BOD1L1: variants seen among roughly 807,000 people sequenced by gnomAD.
BOD1L1 encodes the protein biorientation of chromosomes in cell division protein 1-like 1.
BOD1L1 carries 86 observed loss-of-function variants against 240.7 expected under a neutral mutation model. The ratio of observed to expected loss-of-function variants is 0.36; its 90% CI spans 0.30 to 0.43. The LOEUF (loss-of-function observed/expected upper bound fraction) is 0.43, where lower values mean the gene tolerates loss of function less well. Ranked by LOEUF, BOD1L1 falls within the 20% of genes least tolerant of loss-of-function variation. BOD1L1 has a pLI of 1.00. For synonymous variants in BOD1L1, 1,268 were observed against 1,272.3 expected, an observed-to-expected ratio of 1.00 and a Z score of 0.07; for missense variants, 3,554 against 3,643.5, an observed-to-expected ratio of 0.98 and a Z score of 0.63.
At chr4:13,585,803 T>C (rs1172875775) in intron 17 of BOD1L1, among the ~76,000 whole-genome samples, 2 of 152,214 alleles carry the variant, frequency 1.3e-5, no homozygotes, top group Non-Finnish European at 2.9e-5. Flanking sequence ...TGAGATCTAA[T>C]GCTTTTATAA....
intron 2 of BOD1L1, 44 bp from the exon 3 acceptor site, chr4:13,615,546 T>C (rs1341262113): frequency 2.0e-6 from 3 of 1,501,334 alleles, no homozygotes; most frequent in East Asian, 2.3e-5. Flanking sequence ...AAATAATATA[T>C]TATTTGCATT....
Position 13,569,299 on chromosome 4 carries a change from T to C in BOD1L1, c.*712A>G, listed in dbSNP as rs1481155744. The C allele has an allele frequency of 6.6e-6, 1 of 152,174 alleles. No individual in the cohort carries two copies. Among genetic ancestry groups the C allele is most frequent in the East Asian group, 1.9e-4 (1 of 5,192 alleles). The allele number at this position is 152,174 out of a possible 1,614,324, so 9.4% of individuals were successfully genotyped here. On this transcript the variant is annotated 3_prime_UTR_variant, in exon 26 of 26. Transcript: ENST00000040738. ...TGTTTTGTGTCAACGTGGCTGGTAGTAAAGTCACAGATGCAAGTATAATCT... is the reference window on the plus strand; with the variant it reads ...TGTTTTGTGTCAACGTGGCTGGTAGCAAAGTCACAGATGCAAGTATAATCT...
Position 13,600,085 on chromosome 4 carries a change from A to G in BOD1L1, c.6815T>C (p.Val2272Ala), listed in dbSNP as rs745989323. 9.9e-6 allele frequency: 16 copies of G among 1,613,430 alleles called. No homozygotes were observed. Among genetic ancestry groups the G allele is most frequent in the Admixed American group, 1.7e-5 (1 of 59,942 alleles). ...EDCEGPVSSA[V>A]PQEEGDPSVT... is the part of the protein sequence containing the mutation. ...TGAGGGGTCGCCTTCCTCTTGAGGG[A>G]CAGCACTGGACACTGGGCCCTCACA... is the stretch of plus-strand genomic sequence containing the variant. The change falls in exon 10 of 26, where the codon GTC (valine) becomes GCC (alanine). Residue 2272 changes from valine (V) to alanine (A), a missense_variant. Val to Ala is a moderately conservative substitution (Grantham distance 64). Transcript: ENST00000040738.
At position 13,617,029 on chromosome 4, in the gene BOD1L1, A is replaced by G. The variant is rs553457700; in HGVS notation, c.369-1527T>C. 8.7e-4 allele frequency among the ~76,000 whole-genome samples: 133 copies of G among 152,218 alleles called. 7 individuals are homozygous for G. The South Asian group carries it at 0.027, about 31-fold the overall frequency. On this transcript the variant is annotated intron_variant, in intron 2 of 25. Coordinates refer to ENST00000040738, the MANE Select transcript of BOD1L1 (RefSeq NM_148894.3). The stretch of plus-strand genomic sequence containing the variant: ...TGGGAGGCCAAGGCGGGCAGATCAC[A>G]AGGTCAGGAGATCGAGACCATCCTG...
chr4:13,599,264 C>T lies in BOD1L1; in HGVS notation c.7636G>A (p.Val2546Met), dbSNP rs145423365. The change falls in exon 10 of 26, where the codon GTG becomes ATG. Residue 2546 changes from valine (V) to methionine (M), a missense_variant. Physicochemically the swap from Val to Met is conservative, Grantham distance 21 (BLOSUM62 1). This residue lies in a region of BOD1L1 where 3,393 missense variants were observed against 3,427.1 expected (regional missense o/e 0.99). Transcript: ENST00000040738. ...ADDMPPVQGT[V>M]AEHSFLPAEQ... ...GCAGGAAGAAAGGAATGCTCAGCCA[C>T]GGTCCCTTGAACAGGTGGCATGTCA... The T allele has an allele frequency of 6.3e-5, 102 of 1,613,552 alleles. No homozygotes were observed. The highest frequency in any genetic ancestry group is 3.3e-4 in the Middle Eastern group (2 of 6,084).
chr4:13,577,714 T>C, intron 22 of BOD1L1, 83 bp from the exon 23 acceptor site: 1 of 1,008,738 alleles, frequency 9.9e-7, no homozygotes, highest in Non-Finnish European at 1.5e-6. Flanking sequence ...TGTCTGTCAA[T>C]GTATCAGTAT....
intron 12 of BOD1L1, chr4:13,592,780 T>A (rs1216096080): frequency 6.6e-6 from 1 of 152,176 alleles, no homozygotes; most frequent in Non-Finnish European, 1.5e-5. Context: ...GATGGTTTTG[T>A]GTAAGAAGGT....
At chr4:13,571,631 C>A (rs912697765) in intron 25 of BOD1L1, among the ~76,000 whole-genome samples, 2 of 152,178 alleles carry the variant, frequency 1.3e-5, no homozygotes, top group African/African-American at 4.8e-5. Flanking sequence ...CCTTCTAGTC[C>A]ACCCAGAATG....
In BOD1L1 at chr4:13,603,884, CT is replaced by C. The variant is rs1715440991; in HGVS notation, c.3015del (p.Asp1006ThrfsTer20). The C allele has an allele frequency of 1.9e-6, 3 of 1,613,536 alleles. No homozygotes were observed. The highest frequency in any genetic ancestry group is 1.7e-6 in the Non-Finnish European group (2 of 1,179,868). On this transcript the variant is annotated frameshift_variant, in exon 10 of 26. Transcript: ENST00000040738. LOFTEE classifies it high-confidence loss of function. The part of the protein sequence containing the change: ...PLAKEKYKSD[K>X]DSTSTRLERK... Reference sequence around the variant, plus strand: ...CTCTCAAGCCTGGTGGAAGTGGAGTCTTTATCACTCTTATATTTCTCCTTTG... The same window carrying C: ...CTCTCAAGCCTGGTGGAAGTGGAGTCTTATCACTCTTATATTTCTCCTTTG...
rs767522018 is a variant in BOD1L1, at chr4:13,570,067, G to A, written c.9100C>T (p.Arg3034Ter). The A allele has an allele frequency of 1.9e-6, 3 of 1,605,752 alleles. No individual in the cohort carries two copies. The highest frequency in any genetic ancestry group is 2.5e-6 in the Non-Finnish European group (3 of 1,176,576). ...RKREVSPPGARTRGQQRVEEA... is the reference protein window; with the variant it reads ...RKREVSPPGA ...TCCACCCTTTGCTGGCCTCTTGTTC[G>A]GGCCCCAGGAGGGCTGACTTCTCTC... The change falls in exon 26 of 26, where the codon CGA becomes TGA. Residue 3034 changes from arginine (R) to a stop codon, truncating the protein, a stop_gained. Transcript: ENST00000040738. LOFTEE classifies it high-confidence loss of function.
chr4:13,577,826 T>G (rs1404784782), intron 22 of BOD1L1, 195 bp from the exon 23 acceptor site: 1 of 420,448 alleles, frequency 2.4e-6, no homozygotes, highest in Non-Finnish European at 4.2e-6. Flanking sequence ...TCACGAAACA[T>G]AAGTTTTCAT....
chr4:13,613,800 G>T lies in BOD1L1; in HGVS notation c.1175-139C>A. 1.8e-6 allele frequency: 1 copy of T among 565,640 alleles called. No individual in the cohort carries two copies. Among genetic ancestry groups the T allele is most frequent in the Non-Finnish European group, 2.7e-6 (1 of 366,362 alleles). 35.0% of individuals were successfully genotyped at this position (565,640 alleles called of 1,614,324 possible). On this transcript the variant is annotated intron_variant, in intron 4 of 25. Transcript: ENST00000040738. This position sits in a 1 kb window ranked among gnomAD's most constrained non-coding sequence, Gnocchi z 4.0. ...ATCAAACAAGGCAGAGTGGTTTCCA[G>T]AAAATACAAAGGCAAAGTAGACTTC... is the stretch of plus-strand genomic sequence containing the variant.
chr4:13,627,029 C>T (rs1043522402), intron 1 of BOD1L1, among the ~76,000 whole-genome samples: 1 of 152,196 alleles, frequency 6.6e-6, no homozygotes, highest in Admixed American at 6.6e-5. Context: ...AAAGTAAAAT[C>T]ATCAGATATG....
At chr4:13,575,248 A>G (rs1712612968) in intron 25 of BOD1L1, among the ~76,000 whole-genome samples, 1 of 151,758 alleles carries the variant, frequency 6.6e-6, no homozygotes, top group African/African-American at 2.4e-5. Flanking sequence ...TAAACACAAG[A>G]TACTATTATA....
chr4:13,587,405 T>C (rs1324921684), intron 16 of BOD1L1, among the ~76,000 whole-genome samples: 1 of 152,172 alleles, frequency 6.6e-6, no homozygotes, highest in Non-Finnish European at 1.5e-5. Flanking sequence ...GCTTATGATA[T>C]AAAATACAGA....
chr4:13,606,298 AAT>A (rs1192522548), intron 9 of BOD1L1, among the ~76,000 whole-genome samples: 3 of 152,194 alleles, frequency 2.0e-5, no homozygotes, highest in Admixed American at 6.5e-5. Context: ...AATATTTAAA[AAT>A]ATGTCATTAA....
In BOD1L1 at chr4:13,577,334, CAAAGAA is replaced by C. The variant is rs1712836488; in HGVS notation, c.8884+63_8884+68del. The stretch of plus-strand genomic sequence containing the variant: ...TGTACCCATTGGATTTTTCCTCATT[CAAAGAA>C]AAACTCTTTAAAAAGGTGGTTTTGA... On this transcript the variant is annotated intron_variant, in intron 24 of 25. Coordinates refer to ENST00000040738, the MANE Select transcript of BOD1L1 (RefSeq NM_148894.3). The C allele has an allele frequency of 8.8e-6, 12 of 1,363,316 alleles. No individual in the cohort carries two copies. In the East Asian group the frequency reaches 1.2e-4, roughly 14 times the overall value. 84.5% of individuals were successfully genotyped at this position (1,363,316 alleles called of 1,614,324 possible). A position where few individuals can be genotyped will look rare whatever the true frequency, so the allele number is the denominator to read the frequency against.
intron 25 of BOD1L1, among the ~76,000 whole-genome samples, chr4:13,575,449 C>T (rs1488880804): frequency 6.6e-6 from 1 of 152,176 alleles, no homozygotes; most frequent in Non-Finnish European, 1.5e-5. Context: ...GGTGCGATCA[C>T]AGCTCACTGC....
At chr4:13,606,043 G>A (rs914903691) in intron 9 of BOD1L1, among the ~76,000 whole-genome samples, 3 of 152,036 alleles carry the variant, frequency 2.0e-5, no homozygotes, top group Non-Finnish European at 4.4e-5. Flanking sequence ...AAGTTCAGAC[G>A]GACCTTTGTG....
Sources: gnomAD v4.1 joint callset for allele counts (sites outside exome capture counted in the v4.1 genomes callset) on GRCh38, gnomAD v4.1.1 for gene constraint, gnomAD v4.1.1 regional missense constraint, Gnocchi (gnomAD v3.1) non-coding constraint, MANE v1.5 for transcripts, NCBI Gene and HGNC (gene_info 2026-07-23, HGNC 2026-07-21) for gene names.